DOK5: variants seen among roughly 807,000 people sequenced by gnomAD.
The protein encoded by DOK5 is docking protein 5.
A neutral mutation model predicts 43.3 loss-of-function variants in DOK5; 27 were observed. The observed-to-expected ratio is 0.62, with a 90% confidence interval of 0.46 to 0.86. The LOEUF (loss-of-function observed/expected upper bound fraction) is 0.86. Ranked by LOEUF, DOK5 falls within the 40% of genes least tolerant of loss-of-function variation. DOK5 has a pLI of 0.00. For synonymous variants in DOK5, 146 were observed against 140.1 expected, an observed-to-expected ratio of 1.04 and a Z score of -0.30; for missense variants, 373 against 392.9, an observed-to-expected ratio of 0.95 and a Z score of 0.43.
At chr20:54,481,154 C>A (rs1411335135) in intron 1 of DOK5, among the ~76,000 whole-genome samples, 1 of 151,302 alleles carries the variant, frequency 6.6e-6, no homozygotes, top group Non-Finnish European at 1.5e-5. Flanking sequence ...ATCTATCTAT[C>A]TATCTATCTA....
chr20:54,588,431 C>T (rs1568797870), intron 2 of DOK5, 52 bp from the exon 3 acceptor site: 2 of 1,486,698 alleles, frequency 1.3e-6, no homozygotes, highest in Non-Finnish European at 1.9e-6. Context: ...GTGTTGTATA[C>T]TGGAGACATT....
At chr20:54,493,159 C>T (rs1568752784) in intron 1 of DOK5, among the ~76,000 whole-genome samples, 1 of 151,830 alleles carries the variant, frequency 6.6e-6, no homozygotes, top group Non-Finnish European at 1.5e-5. Context: ...AATTGATTAC[C>T]TAAAAATTGA....
At chr20:54,641,074 T>C (rs914373022) in intron 6 of DOK5, among the ~76,000 whole-genome samples, 13 of 152,200 alleles carry the variant, frequency 8.5e-5, no homozygotes, top group Non-Finnish European at 1.2e-4. Flanking sequence ...TACTTATTAT[T>C]TGTCCATTAA....
chr20:54,548,673 T>C (rs901449264), intron 1 of DOK5, among the ~76,000 whole-genome samples: 5 of 152,244 alleles, frequency 3.3e-5, no homozygotes, highest in African/African-American at 4.8e-5. Context: ...GACAAGTAGA[T>C]TTGTTACATA....
intron 1 of DOK5, among the ~76,000 whole-genome samples, chr20:54,513,555 TAAC>T (rs1983088336): frequency 6.6e-6 from 1 of 151,854 alleles, no homozygotes; most frequent in African/African-American, 2.4e-5. Flanking sequence ...TTTATTCACT[TAAC>T]AAACCATGGA....
chr20:54,487,064 G>A (rs1395406368), intron 1 of DOK5, among the ~76,000 whole-genome samples: 1 of 152,132 alleles, frequency 6.6e-6, no homozygotes, highest in Non-Finnish European at 1.5e-5. Flanking sequence ...AGAACATAAA[G>A]ACTTGAATAT....
intron 5 of DOK5, among the ~76,000 whole-genome samples, chr20:54,592,690 G>A (rs1490455117): frequency 1.3e-5 from 2 of 151,750 alleles, no homozygotes; most frequent in East Asian, 1.9e-4. Context: ...ACAGGTGCCC[G>A]CCACCACGCC....
Position 54,551,099 on chromosome 20 carries a change from G to A in DOK5, c.67-3834G>A, listed in dbSNP as rs957185759. ...TATTATTATTTCAGCCAATCTGATAGGTGTGTATTGGTAGCCATTGTGGTT... is the reference window on the plus strand; with the variant it reads ...TATTATTATTTCAGCCAATCTGATAAGTGTGTATTGGTAGCCATTGTGGTT... On this transcript the variant is annotated intron_variant, in intron 1 of 7. Transcript: ENST00000262593. Among the ~76,000 whole-genome samples the A allele has an allele frequency of 3.9e-5, 6 of 152,258 alleles. No individual in the cohort carries two copies. The East Asian group carries it at 1.2e-3, about 29-fold the overall frequency.
intron 1 of DOK5, among the ~76,000 whole-genome samples, chr20:54,516,779 T>C (rs904108181): frequency 2.6e-5 from 4 of 152,222 alleles, no homozygotes; most frequent in Admixed American, 2.6e-4. Context: ...CCTGAGAATA[T>C]AGAAGTTGAA....
intron 2 of DOK5, among the ~76,000 whole-genome samples, chr20:54,568,949 A>G (rs958107188): frequency 1.1e-4 from 17 of 150,042 alleles, no homozygotes; most frequent in Non-Finnish European, 2.2e-4. Context: ...ATAAATAAAT[A>G]AATAAACGTT....
Position 54,475,660 on chromosome 20 carries a change from C to T in DOK5, c.-287C>T, listed in dbSNP as rs1478908258. ...CCCTCAGCCGCCGCCGCTCCTCCTCCTGGCAGGCCGGCCGCGGAGTCAGCT... is the reference window on the plus strand; with the variant it reads ...CCCTCAGCCGCCGCCGCTCCTCCTCTTGGCAGGCCGGCCGCGGAGTCAGCT... On this transcript the variant is annotated 5_prime_UTR_variant, in exon 1 of 8. Coordinates refer to ENST00000262593, the MANE Select transcript of DOK5 (RefSeq NM_018431.5). The surrounding 1 kb of genome is among the most constrained non-coding windows in gnomAD (Gnocchi z 4.2). 1 of 515,330 alleles carries T rather than the reference C, an allele frequency of 1.9e-6. No individual in the cohort carries two copies. Among genetic ancestry groups the T allele is most frequent in the East Asian group, 3.5e-5 (1 of 28,484 alleles). 31.9% of individuals were successfully genotyped at this position (515,330 alleles called of 1,614,324 possible). A position where few individuals can be genotyped will look rare whatever the true frequency, so the allele number is the denominator to read the frequency against.
intron 2 of DOK5, among the ~76,000 whole-genome samples, chr20:54,586,539 G>A (rs7271632): frequency 0.093 from 14,175 of 152,162 alleles, 1,995 homozygotes; most frequent in African/African-American, 0.31. Flanking sequence ...GCACAATGAT[G>A]AGCAGAGCAA....
In DOK5 at chr20:54,519,240, A is replaced by G. The variant is rs146013096; in HGVS notation, c.67-35693A>G. ...AGTTAATGTTTTATTGTGCTCTAGT[A>G]GTTTAAACTGCGTTATCTTGTATCA... On this transcript the variant is annotated intron_variant, in intron 1 of 7. Transcript: ENST00000262593. 4.9e-3 allele frequency among the ~76,000 whole-genome samples: 742 copies of G among 152,306 alleles called. 11 individuals carry two copies. Among genetic ancestry groups the G allele is most frequent in the South Asian group, 7.0e-3 (34 of 4,828 alleles).
intron 6 of DOK5, among the ~76,000 whole-genome samples, chr20:54,621,843 C>T (rs574445100): frequency 2.9e-4 from 44 of 152,168 alleles, no homozygotes; most frequent in East Asian, 1.7e-3. Context: ...CCACTGGCTC[C>T]GGTTCCCACA....
At chr20:54,489,732 C>T (rs1380742427) in intron 1 of DOK5, among the ~76,000 whole-genome samples, 3 of 152,158 alleles carry the variant, frequency 2.0e-5, no homozygotes, top group Non-Finnish European at 2.9e-5. Context: ...TCGAATCCAA[C>T]GTCTATCTCT....
intron 2 of DOK5, among the ~76,000 whole-genome samples, chr20:54,563,664 G>GTTTTTTTTTTTTTT (rs76886127): frequency 4.4e-5 from 5 of 114,344 alleles, no homozygotes; most frequent in African/African-American, 6.8e-5. Flanking sequence ...TATTTGTCAG[G>GTTTTTTTTTTTTTT]TTTTTTTTTT....
intron 6 of DOK5, among the ~76,000 whole-genome samples, chr20:54,620,530 C>T (rs560918499): frequency 8.5e-5 from 13 of 152,264 alleles, no homozygotes; most frequent in Admixed American, 2.0e-4. Flanking sequence ...TGAGCCACAG[C>T]GCCTGGCATT....
At chr20:54,649,495 C>G (rs1182375640) in intron 7 of DOK5, among the ~76,000 whole-genome samples, 1 of 152,150 alleles carries the variant, frequency 6.6e-6, no homozygotes, top group Non-Finnish European at 1.5e-5. Flanking sequence ...TGGCTGCAAT[C>G]CTGTTTCTTG....
intron 1 of DOK5, among the ~76,000 whole-genome samples, chr20:54,550,973 C>T (rs554291662): frequency 1.3e-5 from 2 of 152,040 alleles, no homozygotes; most frequent in Admixed American, 6.5e-5. Context: ...AAGAAACTAC[C>T]ACTGTTTTTC....
Sources: allele counts gnomAD v4.1 joint callset (sites outside exome capture counted in the v4.1 genomes callset), GRCh38; gene constraint gnomAD v4.1.1; non-coding constraint Gnocchi (gnomAD v3.1); transcripts MANE v1.5; gene names NCBI Gene and HGNC (gene_info 2026-07-23, HGNC 2026-07-21).